The following SP4 variants were observed in gnomAD, a reference collection of about 807,000 sequenced individuals.
SP4 encodes transcription factor Sp4.
A neutral mutation model predicts 72.8 loss-of-function variants in SP4; 19 were observed. That is an observed-to-expected ratio of 0.26 (90% CI 0.18 to 0.38). SP4 has a LOEUF of 0.38. Ranked by LOEUF, SP4 falls within the 10% of genes least tolerant of loss-of-function variation. The pLI is 1.00. For synonymous variants in SP4, 395 were observed against 333.1 expected, an observed-to-expected ratio of 1.19 and a Z score of -2.02; for missense variants, 1,008 against 926.3, an observed-to-expected ratio of 1.09 and a Z score of -1.14.
At chr7:21,442,280 T>C (rs935344437) in intron 3 of SP4, among the ~76,000 whole-genome samples, 2 of 152,074 alleles carry the variant, frequency 1.3e-5, no homozygotes, top group African/African-American at 4.8e-5. Flanking sequence ...CCTCAGGTGA[T>C]CCACCCGCCT....
intron 3 of SP4, among the ~76,000 whole-genome samples, chr7:21,475,498 C>T (rs746720644): frequency 3.9e-5 from 6 of 152,056 alleles, no homozygotes; most frequent in Admixed American, 6.5e-5. Flanking sequence ...GACAGAGTCT[C>T]GCTCTGTCGC....
intron 3 of SP4, among the ~76,000 whole-genome samples, chr7:21,459,457 T>C (rs1369630861): frequency 6.6e-6 from 1 of 152,132 alleles, no homozygotes; most frequent in Non-Finnish European, 1.5e-5. Flanking sequence ...CAGCTTGCCA[T>C]GGTATATCAG....
chr7:21,506,376 T>G (rs192471088), intron 5 of SP4, among the ~76,000 whole-genome samples: 84 of 152,334 alleles, frequency 5.5e-4, no homozygotes, highest in Non-Finnish European at 1.1e-3. Context: ...TCAATAGTCA[T>G]GAGGGGTATC....
chr7:21,460,205 C>G (rs931194300), intron 3 of SP4, among the ~76,000 whole-genome samples: 6 of 152,172 alleles, frequency 3.9e-5, no homozygotes, highest in African/African-American at 1.4e-4. Flanking sequence ...GCCACGGACC[C>G]TTGCGGTGAG....
chr7:21,455,347 A>G (rs1422662538), intron 3 of SP4, among the ~76,000 whole-genome samples: 1 of 152,180 alleles, frequency 6.6e-6, no homozygotes, highest in Non-Finnish European at 1.5e-5. Context: ...AAGGAAAACT[A>G]GTTTTTTGTT....
At chr7:21,461,450 C>T (rs554130484) in intron 3 of SP4, among the ~76,000 whole-genome samples, 201 of 152,308 alleles carry the variant, frequency 1.3e-3, no homozygotes, top group African/African-American at 4.3e-3. Flanking sequence ...CTGGGGGACC[C>T]GGCGCATCCT....
intron 3 of SP4, among the ~76,000 whole-genome samples, chr7:21,458,793 C>T (rs1783861847): frequency 6.6e-6 from 1 of 152,048 alleles, no homozygotes; most frequent in Admixed American, 6.5e-5. Context: ...GCTCCCCTCC[C>T]CCCACACACG....
intron 1 of SP4, among the ~76,000 whole-genome samples, chr7:21,428,469 G>A (rs1782702104): frequency 1.3e-5 from 2 of 152,108 alleles, no homozygotes; most frequent in Admixed American, 1.3e-4. Context: ...TTGCTCTGGA[G>A]CCGATGGGTC....
At chr7:21,472,099 G>T (rs1042027691) in intron 3 of SP4, among the ~76,000 whole-genome samples, 1 of 152,178 alleles carries the variant, frequency 6.6e-6, no homozygotes, top group Admixed American at 6.6e-5. Flanking sequence ...TTCACTGGCA[G>T]TTGATAGTAA....
At chr7:21,431,573 A>G (rs1374828129) in intron 3 of SP4, among the ~76,000 whole-genome samples, 2 of 152,242 alleles carry the variant, frequency 1.3e-5, no homozygotes, top group Non-Finnish European at 2.9e-5. Context: ...AAATGTCACT[A>G]ATTTGAATTA....
intron 2 of SP4, 25 bp downstream of exon 2, chr7:21,428,817 TTCA>T (rs1782723760): frequency 6.5e-7 from 1 of 1,527,782 alleles, no homozygotes; most frequent in Non-Finnish European, 8.8e-7. Context: ...ATTAAAAAAA[TTCA>T]TCACGACACA....
intron 5 of SP4, among the ~76,000 whole-genome samples, chr7:21,509,854 C>T (rs1378952135): frequency 6.6e-6 from 1 of 152,086 alleles, no homozygotes; most frequent in Non-Finnish European, 1.5e-5. Flanking sequence ...AAAGACATAC[C>T]TAGACTGGGC....
intron 3 of SP4, among the ~76,000 whole-genome samples, chr7:21,454,621 G>T (rs1157999804): frequency 1.3e-5 from 2 of 152,164 alleles, no homozygotes; most frequent in Non-Finnish European, 2.9e-5. Context: ...TATGAAGGGG[G>T]AGCAGATGAG....
Position 21,448,615 on chromosome 7 carries a change from A to G in SP4, c.1678+17772A>G, listed in dbSNP as rs575925450. Among the ~76,000 whole-genome samples the G allele has an allele frequency of 3.2e-4, 49 of 152,314 alleles. 1 individual carries two copies. Among genetic ancestry groups the G allele is most frequent in the African/African-American group, 1.2e-3 (48 of 41,568 alleles). On this transcript the variant is annotated intron_variant, in intron 3 of 5. Transcript: ENST00000222584. ...CTCAGTAATAAACACCTATAAAATG[A>G]AGATAGCCTGCCTACTAGACAGGAT...
chr7:21,504,361 G>C (rs1465726275), intron 5 of SP4, among the ~76,000 whole-genome samples: 2 of 152,100 alleles, frequency 1.3e-5, no homozygotes, highest in Non-Finnish European at 2.9e-5. Context: ...TATATATAGT[G>C]CCTTCTTTGG....
At chr7:21,437,061 C>A (rs1783073892) in intron 3 of SP4, among the ~76,000 whole-genome samples, 1 of 152,154 alleles carries the variant, frequency 6.6e-6, no homozygotes, top group East Asian at 1.9e-4. Context: ...CTTTCAGATT[C>A]AGTTTCAGGC....
intron 3 of SP4, among the ~76,000 whole-genome samples, chr7:21,473,368 A>G (rs944171653): frequency 6.6e-6 from 1 of 152,244 alleles, no homozygotes; most frequent in African/African-American, 2.4e-5. Flanking sequence ...AGCAGAAGCA[A>G]GACTGGAAGA....
At chr7:21,452,874 C>T (rs766788329) in intron 3 of SP4, among the ~76,000 whole-genome samples, 16 of 151,822 alleles carry the variant, frequency 1.1e-4, no homozygotes, top group East Asian at 1.9e-4. Flanking sequence ...TCTCCACCTC[C>T]GAGGTTCAAG....
intron 5 of SP4, among the ~76,000 whole-genome samples, chr7:21,488,613 A>T (rs1037267145): frequency 2.6e-5 from 4 of 151,874 alleles, no homozygotes; most frequent in Admixed American, 2.6e-4. Flanking sequence ...GGTTACATTT[A>T]GCCAGGTGCA....
Sources: allele counts gnomAD v4.1 joint callset (sites outside exome capture counted in the v4.1 genomes callset), GRCh38; gene constraint gnomAD v4.1.1; transcripts MANE v1.5; gene names NCBI Gene and HGNC (gene_info 2026-07-23, HGNC 2026-07-21).